Variants in ELMO1 observed in about 807,000 individuals in gnomAD.
The protein encoded by ELMO1 is engulfment and cell motility protein 1.
ELMO1 carries 26 observed loss-of-function variants against 98.9 expected under a neutral mutation model. That is an observed-to-expected ratio of 0.26 (90% CI 0.19 to 0.36). The LOEUF (loss-of-function observed/expected upper bound fraction) is 0.36, where lower values mean the gene tolerates loss of function less well. Among genes scored for constraint, ELMO1 ranks in the 10% least tolerant of loss-of-function variants. The pLI, the probability that ELMO1 is intolerant of heterozygous loss-of-function variation, is 1.00. For synonymous variants in ELMO1, 346 were observed against 346.0 expected, an observed-to-expected ratio of 1.00 and a Z score of 0.00; for missense variants, 627 against 935.2, an observed-to-expected ratio of 0.67 and a Z score of 4.30.
chr7:36,952,964 C>CTTTTTTTTTT (rs70980904), intron 16 of ELMO1, among the ~76,000 whole-genome samples: 1 of 82,876 alleles, frequency 1.2e-5, no homozygotes, highest in Admixed American at 1.4e-4. Context: ...AGTCACTACT[C>CTTTTTTTTTT]TTTTTTTTTT....
intron 21 of ELMO1, among the ~76,000 whole-genome samples, chr7:36,857,898 C>A (rs1224060818): frequency 6.6e-6 from 1 of 152,080 alleles, no homozygotes; most frequent in Non-Finnish European, 1.5e-5. Context: ...TCCATCATAC[C>A]AGAATGCCAG....
At chr7:37,191,952 G>A (rs557796964) in intron 13 of ELMO1, among the ~76,000 whole-genome samples, 3 of 152,166 alleles carry the variant, frequency 2.0e-5, no homozygotes, top group Non-Finnish European at 2.9e-5. Context: ...GCTTCTGCAC[G>A]TGATGTTTAT....
At chr7:37,299,545 T>TTGTC (rs1798244708) in intron 4 of ELMO1, among the ~76,000 whole-genome samples, 1 of 5,142 alleles carries the variant, frequency 1.9e-4, no homozygotes, top group Non-Finnish European at 7.7e-4. Context: ...CCCCCATTTC[T>TTGTC]TTTCTCAGGT....
At chr7:37,405,724 CT>C (rs1394901820) in intron 1 of ELMO1, among the ~76,000 whole-genome samples, 3 of 152,150 alleles carry the variant, frequency 2.0e-5, no homozygotes, top group Admixed American at 1.3e-4. Context: ...TACAGACTGG[CT>C]GAATCAGCCC....
intron 1 of ELMO1, among the ~76,000 whole-genome samples, chr7:37,447,599 TCA>T (rs1175713357): frequency 6.1e-5 from 9 of 147,160 alleles, no homozygotes; most frequent in Non-Finnish European, 1.1e-4. Flanking sequence ...GGCTGTGCGG[TCA>T]CACACACACA....
chr7:36,980,069 G>T (rs903635939), intron 16 of ELMO1, among the ~76,000 whole-genome samples: 1 of 152,190 alleles, frequency 6.6e-6, no homozygotes, highest in Non-Finnish European at 1.5e-5. Context: ...AAGGAAAAGA[G>T]AAGTTAGCTC....
chr7:37,296,181 C>T (rs1172161325), intron 4 of ELMO1, among the ~76,000 whole-genome samples: 1 of 152,114 alleles, frequency 6.6e-6, no homozygotes, highest in Admixed American at 6.6e-5. Context: ...CAGCTGGGTC[C>T]TCATTTGAAA....
intron 14 of ELMO1, among the ~76,000 whole-genome samples, chr7:37,111,902 C>T (rs1351471835): frequency 6.6e-6 from 1 of 152,200 alleles, no homozygotes; most frequent in Non-Finnish European, 1.5e-5. Context: ...CTCATGTCTG[C>T]TCATGGAACA....
At chr7:37,305,763 C>T (rs1296437677) in intron 4 of ELMO1, among the ~76,000 whole-genome samples, 1 of 152,196 alleles carries the variant, frequency 6.6e-6, no homozygotes, top group African/African-American at 2.4e-5. Flanking sequence ...CACAGAACCA[C>T]GTGAGACACA....
chr7:36,928,525 T>C (rs987440782), intron 16 of ELMO1, among the ~76,000 whole-genome samples: 5 of 152,182 alleles, frequency 3.3e-5, no homozygotes, highest in African/African-American at 1.2e-4. Context: ...TTTTTTTTCC[T>C]TCTATCCAAG....
chr7:37,119,644 A>G (rs1426762071), intron 14 of ELMO1, among the ~76,000 whole-genome samples: 2 of 152,214 alleles, frequency 1.3e-5, no homozygotes, highest in African/African-American at 4.8e-5. Flanking sequence ...TTGAGAAAAC[A>G]ATTCTTCAGT....
intron 16 of ELMO1, among the ~76,000 whole-genome samples, chr7:37,006,554 G>A (rs1793136861): frequency 6.6e-6 from 1 of 152,216 alleles, no homozygotes; most frequent in South Asian, 2.1e-4. Context: ...CTTGATGAGG[G>A]AGTGGGGACA....
intron 4 of ELMO1, among the ~76,000 whole-genome samples, chr7:37,283,324 A>T (rs978176217): frequency 3.9e-5 from 6 of 152,246 alleles, no homozygotes; most frequent in Admixed American, 3.3e-4. Context: ...AATTTAATTT[A>T]AAAAAAGCAG....
chr7:36,963,534 A>T (rs1256530761), intron 16 of ELMO1, among the ~76,000 whole-genome samples: 1 of 152,204 alleles, frequency 6.6e-6, no homozygotes, highest in Non-Finnish European at 1.5e-5. Context: ...TCTAAGAGAT[A>T]AATACCAAAA....
At chr7:36,907,451 C>T (rs1232175291) in intron 16 of ELMO1, among the ~76,000 whole-genome samples, 4 of 152,176 alleles carry the variant, frequency 2.6e-5, no homozygotes, top group Admixed American at 6.5e-5. Flanking sequence ...ACCTGTCACC[C>T]ACCACAGCTA....
Position 37,259,358 on chromosome 7 carries a change from GGCAAAA to G in ELMO1, c.244-14_244-9del. 2.5e-6 allele frequency: 4 copies of G among 1,611,158 alleles called. No individual in the cohort carries two copies. Among genetic ancestry groups the G allele is most frequent in the Non-Finnish European group, 3.4e-6 (4 of 1,178,218 alleles). On this transcript the variant is annotated splice_polypyrimidine_tract_variant and intron_variant, in intron 5 of 21. Transcript: ENST00000310758. ...CTGCTGGGCGTTCTGAGCCTTATGG[GGCAAAA>G]GCAAAGGGAAGAGTGTTGACAAACG...
At chr7:37,338,713 C>T (rs562101071) in intron 2 of ELMO1, among the ~76,000 whole-genome samples, 4 of 152,238 alleles carry the variant, frequency 2.6e-5, no homozygotes, top group African/African-American at 7.2e-5. Context: ...CATGCAGGAG[C>T]CTTGATATAT....
chr7:37,138,181 C>T (rs181254691), intron 13 of ELMO1, among the ~76,000 whole-genome samples: 15 of 151,858 alleles, frequency 9.9e-5, no homozygotes, highest in African/African-American at 3.6e-4. Flanking sequence ...AACCCAAACC[C>T]AGCAGAAGAA....
rs111825840 is a variant in ELMO1, at chr7:37,295,948, G to A, written c.192+18902C>T. On this transcript the variant is annotated intron_variant, in intron 4 of 21. Transcript: ENST00000310758. ...GTGTGTTGTTGCCTTACTTAATGTG[G>A]AGGAAACGTGAATACATTCCCACCG... is the stretch of plus-strand genomic sequence containing the variant. Among the ~76,000 whole-genome samples the A allele has an allele frequency of 5.6e-3, 860 of 152,276 alleles. 14 individuals carry two copies. Among genetic ancestry groups the A allele is most frequent in the Middle Eastern group, 0.014 (4 of 294 alleles).
Sources: gnomAD v4.1 joint callset for allele counts (sites outside exome capture counted in the v4.1 genomes callset) on GRCh38, gnomAD v4.1.1 for gene constraint, MANE v1.5 for transcripts, NCBI Gene and HGNC (gene_info 2026-07-23, HGNC 2026-07-21) for gene names.